The following BMPR2 variants were observed in gnomAD, a reference collection of about 807,000 sequenced individuals.
BMPR2 encodes the protein bone morphogenetic protein receptor type-2.
In BMPR2, 29 loss-of-function variants were observed where a neutral mutation model predicts 100.8. The observed-to-expected ratio is 0.29, with a 90% CI of 0.21 to 0.39. The LOEUF is 0.39. BMPR2 is among the 10% of genes least tolerant of loss of function. The probability of loss-of-function intolerance (pLI) is 1.00; values close to 1 mark genes in which losing one functional copy is unlikely to be tolerated. For synonymous variants in BMPR2, 382 were observed against 442.3 expected, an observed-to-expected ratio of 0.86 and a Z score of 1.71; for missense variants, 1,011 against 1,274.5, an observed-to-expected ratio of 0.79 and a Z score of 3.15.
intron 1 of BMPR2, among the ~76,000 whole-genome samples, chr2:202,411,671 T>C (rs1691015554): frequency 6.6e-6 from 1 of 152,098 alleles, no homozygotes; most frequent in Non-Finnish European, 1.5e-5. Context: ...TTTCTATACG[T>C]TTATTTAACA....
At chr2:202,452,886 C>G (rs1692016350) in intron 1 of BMPR2, among the ~76,000 whole-genome samples, 1 of 152,138 alleles carries the variant, frequency 6.6e-6, no homozygotes, top group Non-Finnish European at 1.5e-5. Flanking sequence ...GGGATCCCGC[C>G]TCAGTGGTCT....
At chr2:202,383,823 C>T (rs1263000020) in intron 1 of BMPR2, among the ~76,000 whole-genome samples, 1 of 151,734 alleles carries the variant, frequency 6.6e-6, no homozygotes, top group African/African-American at 2.4e-5. Flanking sequence ...TGCACTCCAG[C>T]CTGGGTGACA....
chr2:202,483,014 C>T (rs1692691352), intron 3 of BMPR2, among the ~76,000 whole-genome samples: 1 of 152,128 alleles, frequency 6.6e-6, no homozygotes, highest in Non-Finnish European at 1.5e-5. Flanking sequence ...GTTCCAGTTT[C>T]TTCACCTTCT....
In BMPR2 at chr2:202,515,037, A is replaced by G; in HGVS notation, c.621+58A>G. 2.1e-6 allele frequency: 3 copies of G among 1,446,516 alleles called. No homozygotes were observed. The South Asian group carries it at 3.4e-5, about 17-fold the overall frequency. The allele number at this position is 1,446,516 out of a possible 1,614,324, so 89.6% of individuals were successfully genotyped here. On this transcript the variant is annotated intron_variant, in intron 5 of 12. Transcript: ENST00000374580. ...TCTACTGTGATACTAGACCTGGAACAGTGACTTCATTCAATCATTAAGACA... is the reference window on the plus strand; with the variant it reads ...TCTACTGTGATACTAGACCTGGAACGGTGACTTCATTCAATCATTAAGACA...
intron 1 of BMPR2, among the ~76,000 whole-genome samples, chr2:202,446,866 G>C (rs1319096932): frequency 3.4e-5 from 5 of 149,066 alleles, no homozygotes; most frequent in Non-Finnish European, 1.5e-5. Context: ...TGGCCAGGCT[G>C]GTCTCAAACT....
intron 1 of BMPR2, among the ~76,000 whole-genome samples, chr2:202,398,464 G>C (rs570595588): frequency 1.4e-3 from 219 of 152,324 alleles, no homozygotes; most frequent in African/African-American, 5.1e-3. Flanking sequence ...GCTTAATGAA[G>C]GAGGCAGGAG....
At chr2:202,440,342 G>A (rs1232402493) in intron 1 of BMPR2, among the ~76,000 whole-genome samples, 1 of 149,594 alleles carries the variant, frequency 6.7e-6, no homozygotes, top group African/African-American at 2.6e-5. Flanking sequence ...TCGCGGCCGG[G>A]CACAGGCGCT....
intron 7 of BMPR2, among the ~76,000 whole-genome samples, chr2:202,529,267 CTTG>C (rs1326789351): frequency 6.6e-6 from 1 of 152,168 alleles, no homozygotes; most frequent in South Asian, 2.1e-4. Context: ...TAACTAATAT[CTTG>C]TTGTGCTTTC....
intron 8 of BMPR2, among the ~76,000 whole-genome samples, chr2:202,531,992 T>C (rs1485804029): frequency 7.8e-6 from 1 of 128,278 alleles, no homozygotes; most frequent in East Asian, 2.6e-4. Context: ...CAGGCTGGAG[T>C]GCAGTGGCGC....
At chr2:202,455,343 A>G (rs1692071618) in intron 1 of BMPR2, among the ~76,000 whole-genome samples, 1 of 151,912 alleles carries the variant, frequency 6.6e-6, no homozygotes, top group Non-Finnish European at 1.5e-5. Flanking sequence ...AGCCCAGGAA[A>G]TTGAGACCAG....
chr2:202,465,070 C>A, intron 2 of BMPR2, 91 bp downstream of exon 2: 1 of 1,488,176 alleles, frequency 6.7e-7, no homozygotes, highest in Admixed American at 1.7e-5. Flanking sequence ...AAATCCTGTT[C>A]AGAAAAACAG....
chr2:202,432,901 C>T (rs773698263), intron 1 of BMPR2, among the ~76,000 whole-genome samples: 3 of 150,352 alleles, frequency 2.0e-5, no homozygotes, highest in Non-Finnish European at 2.9e-5. Context: ...TAAAGGGATC[C>T]TCAGCTGTTA....
chr2:202,435,373 ATACAT>A (rs1691593867), intron 1 of BMPR2, among the ~76,000 whole-genome samples: 1 of 74,110 alleles, frequency 1.3e-5, no homozygotes, highest in East Asian at 2.7e-4. Context: ...CAAAAAAAAA[ATACAT>A]ATATATATAT....
At chr2:202,514,284 C>T (rs1206475902) in intron 4 of BMPR2, among the ~76,000 whole-genome samples, 1 of 152,108 alleles carries the variant, frequency 6.6e-6, no homozygotes, top group African/African-American at 2.4e-5. Flanking sequence ...CTACAGGTGC[C>T]CACCTCCTCG....
rs995800390 is a variant in BMPR2, at chr2:202,495,088, G to C, written c.419-18631G>C. 2.0e-5 allele frequency among the ~76,000 whole-genome samples: 3 copies of C among 152,214 alleles called. No homozygotes were observed. Among genetic ancestry groups the C allele is most frequent in the African/African-American group, 7.2e-5 (3 of 41,454 alleles). On this transcript the variant is annotated intron_variant, in intron 3 of 12. Transcript: ENST00000374580. This position sits in a 1 kb window ranked among gnomAD's most constrained non-coding sequence, Gnocchi z 4.5. ...TACAGCTCCTGAATCCGCAGTGGGC[G>C]TGTGTTACAGGGTGCTCTTTTAGTT...
chr2:202,405,888 G>T (rs902388029), intron 1 of BMPR2, among the ~76,000 whole-genome samples: 1 of 152,046 alleles, frequency 6.6e-6, no homozygotes, highest in African/African-American at 2.4e-5. Context: ...TATATGTTGT[G>T]TAGTGTCCAT....
intron 9 of BMPR2, among the ~76,000 whole-genome samples, chr2:202,539,643 T>A (rs1055332563): frequency 6.6e-6 from 1 of 152,082 alleles, no homozygotes; most frequent in African/African-American, 2.4e-5. Context: ...AATAAATGAT[T>A]TATCTGTATT....
chr2:202,431,464 T>G (rs963146969), intron 1 of BMPR2, among the ~76,000 whole-genome samples: 1 of 150,724 alleles, frequency 6.6e-6, no homozygotes, highest in Admixed American at 6.6e-5. Context: ...TACAATTTGG[T>G]TTATTTAAAT....
At chr2:202,516,887 A>G (rs1687722701) in intron 5 of BMPR2, among the ~76,000 whole-genome samples, 1 of 152,224 alleles carries the variant, frequency 6.6e-6, no homozygotes, top group South Asian at 2.1e-4. Context: ...TGTATGAAAC[A>G]CAACATATAT....
Sources: allele counts gnomAD v4.1 joint callset (sites outside exome capture counted in the v4.1 genomes callset), GRCh38; gene constraint gnomAD v4.1.1; non-coding constraint Gnocchi (gnomAD v3.1); transcripts MANE v1.5; gene names NCBI Gene and HGNC (gene_info 2026-07-23, HGNC 2026-07-21).